SDK1: variants seen among roughly 807,000 people sequenced by gnomAD.
The protein encoded by SDK1 is protein sidekick-1.
In SDK1, 157 loss-of-function variants were observed where a neutral mutation model predicts 245.5. The observed-to-expected ratio is 0.64, with a 90% confidence interval of 0.56 to 0.73. SDK1 has a LOEUF of 0.73. Ranked by LOEUF, SDK1 falls within the 30% of genes least tolerant of loss-of-function variation. The pLI is 0.00. For synonymous variants in SDK1, 1,647 were observed against 1,278.5 expected (o/e 1.29, Z -6.15); for missense variants, 3,583 against 3,002.3 (o/e 1.19, Z -4.52).
intron 13 of SDK1, among the ~76,000 whole-genome samples, chr7:3,980,533 T>G (rs928934355): frequency 6.6e-6 from 1 of 152,254 alleles, no homozygotes; most frequent in African/African-American, 2.4e-5. Flanking sequence ...CTATCCCCAT[T>G]AGATAAGATT....
intron 2 of SDK1, among the ~76,000 whole-genome samples, chr7:3,634,014 C>G (rs1224299818): frequency 6.6e-6 from 1 of 152,142 alleles, no homozygotes; most frequent in African/African-American, 2.4e-5. Context: ...GATGAGTTCT[C>G]CTTTAGCCCT....
At chr7:4,120,203 AC>A (rs1783968456) in intron 25 of SDK1, among the ~76,000 whole-genome samples, 1 of 149,180 alleles carries the variant, frequency 6.7e-6, no homozygotes, top group Non-Finnish European at 1.5e-5. Context: ...AATGAGAGTT[AC>A]AAAATACACA....
intron 1 of SDK1, among the ~76,000 whole-genome samples, chr7:3,324,728 G>C (rs538393369): frequency 1.4e-4 from 22 of 152,210 alleles, no homozygotes; most frequent in African/African-American, 5.3e-4. Context: ...CATCCTAATG[G>C]GTTCAATTTG....
intron 4 of SDK1, among the ~76,000 whole-genome samples, chr7:3,688,995 C>G (rs1562372838): frequency 6.6e-6 from 1 of 152,200 alleles, no homozygotes; most frequent in East Asian, 1.9e-4. Flanking sequence ...TCCATGTTCC[C>G]ACCTTCTGCT....
intron 1 of SDK1, among the ~76,000 whole-genome samples, chr7:3,324,001 C>A (rs1583684131): frequency 6.6e-6 from 1 of 152,174 alleles, no homozygotes; most frequent in Non-Finnish European, 1.5e-5. Context: ...CTGTGTGTTA[C>A]AAGAATTGTA....
intron 5 of SDK1, among the ~76,000 whole-genome samples, chr7:3,893,818 C>A (rs1781523934): frequency 6.6e-6 from 1 of 151,998 alleles, no homozygotes; most frequent in Admixed American, 6.6e-5. Context: ...GTCACCTGCC[C>A]CCACCCTCAC....
chr7:3,511,765 C>T (rs1336909523), intron 1 of SDK1, among the ~76,000 whole-genome samples: 3 of 150,510 alleles, frequency 2.0e-5, no homozygotes, highest in African/African-American at 7.4e-5. Flanking sequence ...ATTATTTTAC[C>T]ATTCTTAGGC....
intron 1 of SDK1, among the ~76,000 whole-genome samples, chr7:3,424,943 G>T (rs554939299): frequency 6.6e-6 from 1 of 152,172 alleles, no homozygotes; most frequent in Non-Finnish European, 1.5e-5. Context: ...CCTAAAATAA[G>T]AAGAGCAGCA....
chr7:4,149,232 T>A, intron 29 of SDK1, 30 bp from the exon 30 acceptor site: 1 of 1,456,772 alleles, frequency 6.9e-7, no homozygotes, highest in Non-Finnish European at 9.1e-7. Context: ...GCCTCTCACA[T>A]GTCCCTGGTC....
At chr7:4,234,627 C>T (rs549480294) in intron 41 of SDK1, among the ~76,000 whole-genome samples, 5 of 152,164 alleles carry the variant, frequency 3.3e-5, no homozygotes, top group Admixed American at 6.5e-5. Context: ...CCCCCATGTG[C>T]CTGTGAGGGA....
In SDK1 at chr7:4,245,748, C is replaced by T. The variant is rs767640482; in HGVS notation, c.6324C>T (p.Ala2108=). 24 of 1,613,906 alleles carry T rather than the reference C, an allele frequency of 1.5e-5. No individual in the cohort carries two copies. Among genetic ancestry groups the T allele is most frequent in the African/African-American group, 5.3e-5 (4 of 74,910 alleles). ...ACATCTGCAACAAGTACAACGGCGCCGTGCTGACCGAGAGCGTGAGCCTCA... is the reference window on the plus strand; with the variant it reads ...ACATCTGCAACAAGTACAACGGCGCTGTGCTGACCGAGAGCGTGAGCCTCA... ...DEDICNKYNG[A]VLTESVSLKE... is the part of the protein sequence containing the mutation. The change falls in exon 44 of 45, where the codon GCC becomes GCT. Residue 2108 remains alanine (A), a synonymous_variant. Transcript: ENST00000404826.
chr7:4,084,516 C>G (rs183785855), intron 22 of SDK1, among the ~76,000 whole-genome samples: 2 of 152,274 alleles, frequency 1.3e-5, no homozygotes, highest in East Asian at 3.9e-4. Flanking sequence ...TGTTTAAAGA[C>G]GATAACCTGA....
chr7:3,357,774 C>T (rs1780845353), intron 1 of SDK1, among the ~76,000 whole-genome samples: 1 of 152,136 alleles, frequency 6.6e-6, no homozygotes, highest in Non-Finnish European at 1.5e-5. Context: ...TCCCCAGTGA[C>T]AGTATCTTCT....
At chr7:3,870,289 C>T (rs1048122714) in intron 5 of SDK1, among the ~76,000 whole-genome samples, 9 of 151,980 alleles carry the variant, frequency 5.9e-5, no homozygotes, top group South Asian at 2.1e-4. Context: ...TGCTACTTTT[C>T]GTTATTTTTA....
At chr7:4,133,874 A>G (rs1785028315) in intron 28 of SDK1, among the ~76,000 whole-genome samples, 1 of 152,226 alleles carries the variant, frequency 6.6e-6, no homozygotes. Flanking sequence ...CGGTAAAGTT[A>G]TAAACCCAGA....
intron 40 of SDK1, among the ~76,000 whole-genome samples, chr7:4,222,700 G>A (rs1350331003): frequency 6.6e-6 from 1 of 152,174 alleles, no homozygotes; most frequent in African/African-American, 2.4e-5. Flanking sequence ...AGACGTGCTC[G>A]CCTGGGGGAC....
At chr7:3,361,285 C>T (rs980986382) in intron 1 of SDK1, among the ~76,000 whole-genome samples, 20 of 152,138 alleles carry the variant, frequency 1.3e-4, no homozygotes, top group African/African-American at 4.8e-4. Context: ...TTTTAAAACC[C>T]GAATTGAAAT....
At chr7:4,043,902 T>C (rs1178631497) in intron 17 of SDK1, among the ~76,000 whole-genome samples, 1 of 152,106 alleles carries the variant, frequency 6.6e-6, no homozygotes. Context: ...AGAGAAAACG[T>C]CACAACAAAT....
intron 1 of SDK1, among the ~76,000 whole-genome samples, chr7:3,329,003 G>C (rs1780002438): frequency 6.6e-6 from 1 of 152,070 alleles, no homozygotes; most frequent in Non-Finnish European, 1.5e-5. Flanking sequence ...CCAAACCAAA[G>C]GTCTCATCAA....
Sources: allele counts gnomAD v4.1 joint callset (sites outside exome capture counted in the v4.1 genomes callset), GRCh38; gene constraint gnomAD v4.1.1; transcripts MANE v1.5; gene names NCBI Gene and HGNC (gene_info 2026-07-23, HGNC 2026-07-21).